ACYP2: variants seen among roughly 807,000 people sequenced by gnomAD.
ACYP2 encodes acylphosphatase-2.
In ACYP2, 12 loss-of-function variants were observed where a neutral mutation model predicts 11.2. The ratio of observed to expected loss-of-function variants is 1.08; its 90% CI spans 0.69 to 1.74. The LOEUF (loss-of-function observed/expected upper bound fraction) is 1.74, where lower values mean the gene tolerates loss of function less well. Ranked by LOEUF, ACYP2 falls within the 40% of genes most tolerant of loss-of-function variation. ACYP2 has a pLI of 0.00. For synonymous variants in ACYP2, 43 were observed against 32.2 expected, an observed-to-expected ratio of 1.33 and a Z score of -1.13; for missense variants, 134 against 101.9, an observed-to-expected ratio of 1.31 and a Z score of -1.35.
chr2:53,981,561 CCAGT>C (rs972789605), intron 2 of ACYP2, among the ~76,000 whole-genome samples: 1 of 152,118 alleles, frequency 6.6e-6, no homozygotes, highest in African/African-American at 2.4e-5. Context: ...CGGAAAGAAA[CCAGT>C]CAGAGATACT....
At chr2:54,179,944 G>T (rs897365293) in intron 6 of ACYP2, among the ~76,000 whole-genome samples, 6 of 152,136 alleles carry the variant, frequency 3.9e-5, no homozygotes, top group South Asian at 2.1e-4. Flanking sequence ...AGTCCCCAAG[G>T]TTCCCTCTTA....
In ACYP2 at chr2:54,128,717, C is replaced by A. The variant is rs1251442847; in HGVS notation, c.278-6736C>A. Among the ~76,000 whole-genome samples, 3 of 151,752 alleles carry A rather than the reference C, an allele frequency of 2.0e-5. No homozygotes were observed. The East Asian group carries it at 5.8e-4, about 29-fold the overall frequency. The stretch of plus-strand genomic sequence containing the variant: ...GATGAAGGTTATTTTTTTTCCTTTT[C>A]CCCCCTTTTTTAAAAAAAATTCAGT... On this transcript the variant is annotated intron_variant, in intron 4 of 6. Transcript: ENST00000607452.
At chr2:54,044,377 T>C (rs1296957857) in intron 2 of ACYP2, among the ~76,000 whole-genome samples, 1 of 151,760 alleles carries the variant, frequency 6.6e-6, no homozygotes, top group Admixed American at 6.6e-5. Context: ...GGTAGATCAC[T>C]TGGGACGAGG....
At chr2:54,165,515 A>ACTCT (rs10575339) in intron 6 of ACYP2, among the ~76,000 whole-genome samples, 12 of 131,372 alleles carry the variant, frequency 9.1e-5, no homozygotes, top group Non-Finnish European at 1.3e-4. Flanking sequence ...TCTCTCTTTC[A>ACTCT]CTCTCTCTCT....
chr2:54,081,003 C>G (rs761005875), intron 4 of ACYP2, among the ~76,000 whole-genome samples: 2 of 152,146 alleles, frequency 1.3e-5, no homozygotes, highest in Admixed American at 6.6e-5. Flanking sequence ...TTGAGAAAAC[C>G]TCTATCATGT....
chr2:53,982,216 C>T (rs937194997), intron 2 of ACYP2, among the ~76,000 whole-genome samples: 5 of 152,118 alleles, frequency 3.3e-5, no homozygotes, highest in African/African-American at 1.2e-4. Flanking sequence ...TATCTGCATG[C>T]ATAATTTGAA....
intron 2 of ACYP2, among the ~76,000 whole-genome samples, chr2:54,042,249 C>A (rs11125519): frequency 0.54 from 82,143 of 151,952 alleles, 22,453 homozygotes; most frequent in East Asian, 0.7. Flanking sequence ...CAGGTGATCC[C>A]CCTGCCTTGG....
chr2:54,078,675 C>A (rs980963726), intron 4 of ACYP2, among the ~76,000 whole-genome samples: 20 of 151,222 alleles, frequency 1.3e-4, no homozygotes, highest in Admixed American at 5.9e-4. Flanking sequence ...TTTTGGCTCA[C>A]TGTAACCTCC....
chr2:54,047,937 T>C (rs1211622162), intron 2 of ACYP2, among the ~76,000 whole-genome samples: 1 of 152,198 alleles, frequency 6.6e-6, no homozygotes, highest in African/African-American at 2.4e-5. Flanking sequence ...GACCCTGTGA[T>C]CTGGGAAGTG....
chr2:54,215,378 G>C (rs1685518444), intron 6 of ACYP2, among the ~76,000 whole-genome samples: 2 of 152,198 alleles, frequency 1.3e-5, no homozygotes, highest in South Asian at 4.1e-4. Flanking sequence ...GATGTTGGCT[G>C]TGGGTTTGTT....
intron 6 of ACYP2, among the ~76,000 whole-genome samples, chr2:54,211,822 C>G (rs950192655): frequency 2.0e-5 from 3 of 152,162 alleles, no homozygotes; most frequent in Non-Finnish European, 4.4e-5. Flanking sequence ...AATTGACCAG[C>G]AGGGTAAGAC....
intron 6 of ACYP2, among the ~76,000 whole-genome samples, chr2:54,185,936 A>T (rs1472966536): frequency 6.6e-6 from 1 of 151,862 alleles, no homozygotes; most frequent in African/African-American, 2.4e-5. Context: ...TTGTTAAAAT[A>T]CAGTTGAAAT....
intron 6 of ACYP2, among the ~76,000 whole-genome samples, chr2:54,213,915 A>G (rs1685443970): frequency 1.3e-5 from 2 of 151,960 alleles, no homozygotes; most frequent in Admixed American, 1.3e-4. Flanking sequence ...CCACAGGGGC[A>G]TGCCACCACA....
intron 6 of ACYP2, among the ~76,000 whole-genome samples, chr2:54,198,359 A>G (rs1249070790): frequency 6.6e-6 from 1 of 152,090 alleles, no homozygotes; most frequent in Non-Finnish European, 1.5e-5. Context: ...CTGTGGAGAA[A>G]GGAGTGTGGC....
chr2:54,280,197 G>C (rs192093437), intron 6 of ACYP2, among the ~76,000 whole-genome samples: 4 of 152,226 alleles, frequency 2.6e-5, no homozygotes, highest in African/African-American at 9.6e-5. Flanking sequence ...AGAACCTGAT[G>C]TAAGTCAGGG....
chr2:54,105,842 A>G (rs995244356), intron 4 of ACYP2, among the ~76,000 whole-genome samples: 6 of 152,070 alleles, frequency 3.9e-5, no homozygotes, highest in Non-Finnish European at 8.8e-5. Context: ...TACACATGGC[A>G]CATACTGGGT....
intron 6 of ACYP2, among the ~76,000 whole-genome samples, chr2:54,199,410 T>C (rs1684657836): frequency 6.6e-6 from 1 of 152,150 alleles, no homozygotes; most frequent in African/African-American, 2.4e-5. Context: ...ATTTTCAGGA[T>C]GGTGACAGCA....
At chr2:54,299,600 AAAAAAAAAGAAAAG>A (rs1019978307) in intron 6 of ACYP2, among the ~76,000 whole-genome samples, 1 of 151,112 alleles carries the variant, frequency 6.6e-6, no homozygotes, top group Non-Finnish European at 1.5e-5. Flanking sequence ...TCAAAAAAAA[AAAAAAAAAGAAAAG>A]AAAAAAAAGA....
intron 4 of ACYP2, among the ~76,000 whole-genome samples, chr2:54,061,836 G>A (rs1676485261): frequency 6.6e-6 from 1 of 152,132 alleles, no homozygotes; most frequent in African/African-American, 2.4e-5. Context: ...CATTTTGAGA[G>A]GGCAAGGTGG....
Sources: allele counts gnomAD v4.1 joint callset (sites outside exome capture counted in the v4.1 genomes callset), GRCh38; gene constraint gnomAD v4.1.1; transcripts MANE v1.5; gene names NCBI Gene and HGNC (gene_info 2026-07-23, HGNC 2026-07-21).